ZC3H13: variants seen among roughly 807,000 people sequenced by gnomAD.
The protein encoded by ZC3H13 is zinc finger CCCH-type containing 13.
In ZC3H13, 64 loss-of-function variants were observed where a neutral mutation model predicts 204.1. The observed-to-expected ratio is 0.31, with a 90% CI of 0.26 to 0.39. ZC3H13 has a LOEUF of 0.39. Among genes scored for constraint, ZC3H13 ranks in the 10% least tolerant of loss-of-function variants. The pLI, the probability that ZC3H13 is intolerant of heterozygous loss-of-function variation, is 1.00. For missense variants in ZC3H13, 1,833 were observed against 2,082.7 expected, an observed-to-expected ratio of 0.88 and a Z score of 2.33; for synonymous variants, 667 against 693.7, an observed-to-expected ratio of 0.96 and a Z score of 0.60.
intron 6 of ZC3H13, among the ~76,000 whole-genome samples, chr13:46,011,011 A>G (rs2041523841): frequency 6.6e-6 from 1 of 152,246 alleles, no homozygotes; most frequent in Non-Finnish European, 1.5e-5. Flanking sequence ...CAGTTTCAAT[A>G]AAGTAAATTA....
At chr13:45,965,580 T>C (rs1345701402) in intron 15 of ZC3H13, 148 bp from the exon 16 acceptor site, 1 of 664,480 alleles carries the variant, frequency 1.5e-6, no homozygotes. Context: ...ATTCAAATAC[T>C]TGATAATATC....
chr13:46,046,680 A>T (rs2139214628), intron 1 of ZC3H13, among the ~76,000 whole-genome samples: 1 of 152,006 alleles, frequency 6.6e-6, no homozygotes, highest in South Asian at 2.1e-4. Context: ...AAAAAACAAA[A>T]AAACTCTCTC....
At chr13:46,011,317 T>C (rs1593665299) in intron 6 of ZC3H13, 98 bp downstream of exon 6, 3 of 1,128,004 alleles carry the variant, frequency 2.7e-6, no homozygotes, top group Non-Finnish European at 3.7e-6. Context: ...TATATCAGTA[T>C]ACTAATATAA....
intron 8 of ZC3H13, among the ~76,000 whole-genome samples, chr13:45,991,587 G>A (rs934259634): frequency 1.3e-5 from 2 of 152,124 alleles, no homozygotes; most frequent in Admixed American, 6.5e-5. Context: ...TAGAATAGAA[G>A]TAACTTCAGA....
At chr13:45,966,676 C>A (rs1202854325) in intron 15 of ZC3H13, among the ~76,000 whole-genome samples, 1 of 151,926 alleles carries the variant, frequency 6.6e-6, no homozygotes, top group Non-Finnish European at 1.5e-5. Context: ...CCATCAGAAC[C>A]ATGCTTTATG....
intron 18 of ZC3H13, among the ~76,000 whole-genome samples, chr13:45,959,178 T>A (rs1191093539): frequency 6.6e-6 from 1 of 151,762 alleles, no homozygotes; most frequent in South Asian, 2.1e-4. Context: ...TCTAAGAAAT[T>A]TTTTTCCTTG....
chr13:46,045,865 A>T (rs1191208945), intron 1 of ZC3H13, among the ~76,000 whole-genome samples: 4 of 152,220 alleles, frequency 2.6e-5, no homozygotes, highest in Non-Finnish European at 5.9e-5. Context: ...AGTTACTTAC[A>T]AAAATTGCTT....
chr13:46,003,101 A>AAAAGTT, intron 8 of ZC3H13, 38 bp downstream of exon 8: 2 of 1,586,412 alleles, frequency 1.3e-6, no homozygotes, highest in Non-Finnish European at 1.7e-6. Context: ...TATATTCTAC[A>AAAAGTT]AAAGTTAATA....
At chr13:45,968,642 A>T in intron 14 of ZC3H13, 106 bp downstream of exon 14, 1 of 1,414,802 alleles carries the variant, frequency 7.1e-7, no homozygotes, top group Non-Finnish European at 9.4e-7. Flanking sequence ...CATAAAATTT[A>T]AGGCAGCATG....
chr13:45,986,776 T>C (rs572119298), intron 9 of ZC3H13, among the ~76,000 whole-genome samples: 2 of 152,342 alleles, frequency 1.3e-5, no homozygotes, highest in African/African-American at 4.8e-5. Context: ...TTGGCAACTC[T>C]AGCAGCCTCA....
intron 7 of ZC3H13, chr13:46,010,085 G>A (rs941799785): frequency 8.2e-6 from 2 of 243,158 alleles, no homozygotes; most frequent in African/African-American, 4.5e-5. Flanking sequence ...CCAGATTTAA[G>A]AGAGGAACAG....
chr13:45,999,244 T>C (rs1041290922), intron 8 of ZC3H13, among the ~76,000 whole-genome samples: 2 of 151,948 alleles, frequency 1.3e-5, no homozygotes, highest in East Asian at 3.9e-4. Context: ...CACAGTGAGC[T>C]GAGATCACGC....
At chr13:46,034,116 C>T (rs2043065643) in intron 4 of ZC3H13, among the ~76,000 whole-genome samples, 2 of 152,076 alleles carry the variant, frequency 1.3e-5, no homozygotes, top group Non-Finnish European at 2.9e-5. Context: ...CTACTATATA[C>T]CCACTAGAAG....
chr13:45,979,203 C>T (rs1359423282), intron 11 of ZC3H13, among the ~76,000 whole-genome samples: 1 of 152,122 alleles, frequency 6.6e-6, no homozygotes, highest in African/African-American at 2.4e-5. Context: ...TACAACCCTT[C>T]TTAAGTGCTT....
intron 8 of ZC3H13, among the ~76,000 whole-genome samples, chr13:45,998,509 C>A (rs1206671690): frequency 6.6e-6 from 1 of 151,528 alleles, no homozygotes; most frequent in African/African-American, 2.4e-5. Context: ...ATTAGCTGGG[C>A]GTGGTGGTGG....
At chr13:46,011,928 T>C (rs974806043) in intron 5 of ZC3H13, among the ~76,000 whole-genome samples, 3 of 152,176 alleles carry the variant, frequency 2.0e-5, no homozygotes, top group African/African-American at 7.2e-5. Context: ...TGCGACTCAT[T>C]ATCTCCTTGA....
chr13:46,047,251 G>A (rs913092041), intron 1 of ZC3H13, among the ~76,000 whole-genome samples: 1 of 151,636 alleles, frequency 6.6e-6, no homozygotes, highest in African/African-American at 2.4e-5. Context: ...AATAATATAT[G>A]GTGATTTTAA....
chr13:45,955,559 A>G lies in ZC3H13; in HGVS notation c.*1568T>C, dbSNP rs1263047558. 1 of 152,178 alleles carries G rather than the reference A, an allele frequency of 6.6e-6. No individual in the cohort carries two copies. The highest frequency in any genetic ancestry group is 1.5e-5 in the Non-Finnish European group (1 of 67,990). The allele number at this position is 152,178 out of a possible 1,614,324, so 9.4% of individuals were successfully genotyped here. A position where few individuals can be genotyped will look rare whatever the true frequency, so the allele number is the denominator to read the frequency against. On this transcript the variant is annotated 3_prime_UTR_variant, in exon 19 of 19. Transcript: ENST00000679008. ...ATTTTTGTCATATTCTACAATTCTG[A>G]GAACTAGGATTAGAAATTCTAGGAC...
chr13:46,007,286 C>A (rs1326680669), intron 7 of ZC3H13, among the ~76,000 whole-genome samples: 2 of 152,146 alleles, frequency 1.3e-5, no homozygotes, highest in Non-Finnish European at 2.9e-5. Flanking sequence ...CACCTCCAGG[C>A]CCAAATTTCA....
Sources: gnomAD v4.1 joint callset for allele counts (sites outside exome capture counted in the v4.1 genomes callset) on GRCh38, gnomAD v4.1.1 for gene constraint, MANE v1.5 for transcripts, NCBI Gene and HGNC (gene_info 2026-07-23, HGNC 2026-07-21) for gene names.